The following PARP8 variants were observed in gnomAD, a reference collection of about 807,000 sequenced individuals.
PARP8 encodes the protein poly(ADP-ribose) polymerase family member 8, also known as protein mono-ADP-ribosyltransferase PARP8.
In PARP8, 51 loss-of-function variants were observed where a neutral mutation model predicts 124.1. That is an observed-to-expected ratio of 0.41 (90% CI 0.33 to 0.52). The LOEUF is 0.52. Among genes scored for constraint, PARP8 ranks in the 20% least tolerant of loss-of-function variants. The pLI is 0.21. For synonymous variants in PARP8, 391 were observed against 361.5 expected (o/e 1.08, Z -0.93); for missense variants, 860 against 1,018.9 (o/e 0.84, Z 2.12).
At chr5:50,820,840 T>C (rs184860639) in intron 15 of PARP8, among the ~76,000 whole-genome samples, 12 of 152,348 alleles carry the variant, frequency 7.9e-5, no homozygotes, top group African/African-American at 2.2e-4. Flanking sequence ...AGAAATTCTA[T>C]TGAAGCATCT....
intron 10 of PARP8, among the ~76,000 whole-genome samples, chr5:50,793,626 T>G (rs1245868685): frequency 6.6e-6 from 1 of 152,220 alleles, no homozygotes; most frequent in East Asian, 1.9e-4. Context: ...TAGGCTGTGT[T>G]GAAGATATAA....
intron 2 of PARP8, among the ~76,000 whole-genome samples, chr5:50,678,693 G>C (rs560335035): frequency 1.3e-5 from 2 of 152,262 alleles, no homozygotes; most frequent in Admixed American, 1.3e-4. Context: ...TTACCAGATA[G>C]AATTTTCTAA....
intron 2 of PARP8, among the ~76,000 whole-genome samples, chr5:50,708,179 C>T (rs1440550253): frequency 1.3e-5 from 2 of 151,998 alleles, no homozygotes; most frequent in Admixed American, 1.3e-4. Flanking sequence ...AATAGTCTAA[C>T]ACATCAAATA....
chr5:50,731,611 T>G (rs1293388649), intron 2 of PARP8, among the ~76,000 whole-genome samples: 3 of 152,196 alleles, frequency 2.0e-5, no homozygotes, highest in African/African-American at 7.2e-5. Context: ...GTTATTTTTT[T>G]GGATGCAGTC....
chr5:50,690,127 G>T (rs1319822160), intron 2 of PARP8, among the ~76,000 whole-genome samples: 2 of 152,186 alleles, frequency 1.3e-5, no homozygotes, highest in Non-Finnish European at 2.9e-5. Context: ...CTTAGGTGAA[G>T]ATTGAGCTGT....
At chr5:50,676,153 G>C (rs1750612001) in intron 2 of PARP8, among the ~76,000 whole-genome samples, 2 of 152,230 alleles carry the variant, frequency 1.3e-5, no homozygotes, top group Non-Finnish European at 1.5e-5. Context: ...CTTGATTACA[G>C]ATCTGGAGTA....
Position 50,828,041 on chromosome 5 carries a change from G to A in PARP8, c.2075G>A (p.Ser692Asn). 1 of 1,607,042 alleles carries A rather than the reference G, an allele frequency of 6.2e-7. No homozygotes were observed. The highest frequency in any genetic ancestry group is 8.5e-7 in the Non-Finnish European group (1 of 1,173,708). The change falls in exon 20 of 26, where the codon AGC (serine) becomes AAC (asparagine). Residue 692 changes from serine to asparagine, a missense_variant. Ser to Asn is a conservative substitution (Grantham distance 46). Transcript: ENST00000281631. ...AGAGCTGCTAAAAAACTCTTTGGAA[G>A]CACCTTTGCATTTCAGTGAGTAAGG... is the stretch of plus-strand genomic sequence containing the variant. The part of the protein sequence containing the change: ...NFRAAKKLFG[S>N]TFAFHGSHIE...
intron 21 of PARP8, 39 bp downstream of exon 21, chr5:50,828,423 T>C (rs753590317): frequency 1.9e-6 from 3 of 1,558,292 alleles, no homozygotes; most frequent in East Asian, 4.5e-5. Context: ...TTCATTCTTC[T>C]TCAGAATTGA....
chr5:50,684,625 G>T, intron 2 of PARP8, among the ~76,000 whole-genome samples: 1 of 152,134 alleles, frequency 6.6e-6, no homozygotes, highest in Non-Finnish European at 1.5e-5. Flanking sequence ...GCCTGTCAGA[G>T]AACTTATGAC....
chr5:50,724,375 A>G (rs193233942), intron 2 of PARP8, among the ~76,000 whole-genome samples: 3 of 152,198 alleles, frequency 2.0e-5, no homozygotes, highest in Admixed American at 2.0e-4. Context: ...GTGTTGCTTT[A>G]TTTCCTTTTA....
intron 25 of PARP8, among the ~76,000 whole-genome samples, chr5:50,839,343 C>A (rs1245779359): frequency 6.6e-6 from 1 of 151,964 alleles, no homozygotes; most frequent in Non-Finnish European, 1.5e-5. Flanking sequence ...TGTTCTATTT[C>A]TCTTAAATTC....
intron 2 of PARP8, among the ~76,000 whole-genome samples, chr5:50,677,884 A>C (rs1750818422): frequency 6.6e-6 from 1 of 152,088 alleles, no homozygotes; most frequent in African/African-American, 2.4e-5. Context: ...TCTGAAGGCA[A>C]AGACTTTTTC....
At chr5:50,839,211 A>G (rs1747904730) in intron 25 of PARP8, among the ~76,000 whole-genome samples, 2 of 151,980 alleles carry the variant, frequency 1.3e-5, no homozygotes, top group Admixed American at 1.3e-4. Context: ...TTTCGTTAAA[A>G]TTTTAGTAAT....
At chr5:50,799,982 A>T (rs1475039717) in intron 14 of PARP8, among the ~76,000 whole-genome samples, 1 of 152,178 alleles carries the variant, frequency 6.6e-6, no homozygotes, top group Non-Finnish European at 1.5e-5. Context: ...ATTTGTTGTT[A>T]TAAGCCACCC....
chr5:50,777,711 CTT>C (rs1360539711), intron 7 of PARP8, among the ~76,000 whole-genome samples: 1 of 152,100 alleles, frequency 6.6e-6, no homozygotes, highest in Non-Finnish European at 1.5e-5. Flanking sequence ...CAACTCCTTT[CTT>C]GTCTTCAGAA....
intron 24 of PARP8, 55 bp downstream of exon 24, chr5:50,834,103 TA>T: frequency 7.4e-7 from 1 of 1,352,690 alleles, no homozygotes; most frequent in African/African-American, 1.5e-5. Flanking sequence ...CATCTATAAT[TA>T]AAAATATAAG....
At chr5:50,835,354 C>T (rs1280175468) in intron 25 of PARP8, among the ~76,000 whole-genome samples, 2 of 152,086 alleles carry the variant, frequency 1.3e-5, no homozygotes, top group Non-Finnish European at 2.9e-5. Flanking sequence ...ACCAGCCTGG[C>T]TAACATGGTG....
chr5:50,745,877 T>C (rs1758486052), intron 2 of PARP8, among the ~76,000 whole-genome samples: 1 of 152,176 alleles, frequency 6.6e-6, no homozygotes. Flanking sequence ...TATGGGGTCA[T>C]AGTGTACATT....
chr5:50,756,971 T>C (rs748347048), intron 3 of PARP8: 6 of 318,822 alleles, frequency 1.9e-5, no homozygotes, highest in Non-Finnish European at 3.8e-5. Flanking sequence ...ACGTCTTCCA[T>C]GTTCATCCAT....
Sources: allele counts gnomAD v4.1 joint callset (sites outside exome capture counted in the v4.1 genomes callset), GRCh38; gene constraint gnomAD v4.1.1; transcripts MANE v1.5; gene names NCBI Gene and HGNC (gene_info 2026-07-23, HGNC 2026-07-21).